XPO7: variants seen among roughly 807,000 people sequenced by gnomAD.
XPO7 encodes the protein exportin 7, also known as exportin-7.
In XPO7, 21 loss-of-function variants were observed where a neutral mutation model predicts 144.3. The ratio of observed to expected loss-of-function variants is 0.15; its 90% CI spans 0.10 to 0.21. The LOEUF (loss-of-function observed/expected upper bound fraction) is 0.21, where lower values mean the gene tolerates loss of function less well. Among genes scored for constraint, XPO7 ranks in the 10% least tolerant of loss-of-function variants. The pLI is 1.00. For synonymous variants in XPO7, 580 were observed against 499.6 expected, an observed-to-expected ratio of 1.16 and a Z score of -2.15; for missense variants, 808 against 1,325.8, an observed-to-expected ratio of 0.61 and a Z score of 6.06.
intron 1 of XPO7, among the ~76,000 whole-genome samples, chr8:21,944,366 G>A (rs1426327136): frequency 5.3e-5 from 8 of 152,104 alleles, no homozygotes; most frequent in Admixed American, 5.2e-4. Flanking sequence ...TCAGGAGTTC[G>A]AGACCAGCCT....
intron 5 of XPO7, among the ~76,000 whole-genome samples, chr8:21,974,324 T>C (rs1291424612): frequency 2.0e-5 from 3 of 152,146 alleles, no homozygotes; most frequent in Non-Finnish European, 4.4e-5. Context: ...TCACCACGCC[T>C]GGCCCATTAA....
chr8:21,958,284 C>T (rs1254694036), intron 1 of XPO7, among the ~76,000 whole-genome samples: 1 of 151,928 alleles, frequency 6.6e-6, no homozygotes, highest in African/African-American at 2.4e-5. Context: ...TGACCCATTG[C>T]TCCTAGGGGA....
intron 2 of XPO7, 123 bp downstream of exon 2, chr8:21,967,126 T>C (rs1811911378): frequency 1.5e-6 from 2 of 1,337,232 alleles, no homozygotes; most frequent in African/African-American, 1.5e-5. Flanking sequence ...CCCTGACTTA[T>C]TTTCACTTTT....
chr8:21,931,076 TC>T (rs1158460499), intron 1 of XPO7, among the ~76,000 whole-genome samples: 1 of 151,928 alleles, frequency 6.6e-6, no homozygotes, highest in African/African-American at 2.4e-5. Flanking sequence ...ACTCCTGACC[TC>T]AAGTGATCTG....
chr8:21,950,392 A>G (rs373098180), intron 1 of XPO7, among the ~76,000 whole-genome samples: 6 of 152,208 alleles, frequency 3.9e-5, no homozygotes, highest in Middle Eastern at 3.2e-3. Flanking sequence ...TTCCTAAACT[A>G]TAGGAGCTAA....
At chr8:21,933,600 A>C (rs1810725914) in intron 1 of XPO7, among the ~76,000 whole-genome samples, 1 of 152,106 alleles carries the variant, frequency 6.6e-6, no homozygotes, top group Admixed American at 6.5e-5. Context: ...TTCTATTAAC[A>C]CTGTAACATT....
At chr8:21,975,249 A>G (rs1397480775) in intron 6 of XPO7, among the ~76,000 whole-genome samples, 2 of 152,260 alleles carry the variant, frequency 1.3e-5, no homozygotes, top group Non-Finnish European at 2.9e-5. Flanking sequence ...AGCAGCACAT[A>G]AACAAGTAAC....
chr8:21,985,545 A>G (rs1300255688), intron 12 of XPO7, 41 bp from the exon 13 acceptor site: 1 of 1,568,424 alleles, frequency 6.4e-7, no homozygotes, highest in East Asian at 2.2e-5. Flanking sequence ...TCTTCAAGAA[A>G]CTATCACTGG....
rs756534634 is a variant in XPO7, at chr8:21,919,732, G to T, written c.-39G>T. 5.4e-4 allele frequency: 211 copies of T among 390,838 alleles called. 3 individuals carry two copies. Among genetic ancestry groups the T allele is most frequent in the Non-Finnish European group, 1.7e-4 (45 of 264,952 alleles). 24.2% of individuals were successfully genotyped at this position (390,838 alleles called of 1,614,324 possible). On this transcript the variant is annotated 5_prime_UTR_variant, in exon 1 of 28. Coordinates refer to ENST00000252512, the MANE Select transcript of XPO7 (RefSeq NM_015024.5). ...CGGCTCCGGCCGAGGTGCGCGCTGGGGGGGAGGGGGGGCCGGAGAGGAGCA... is the reference window on the plus strand; with the variant it reads ...CGGCTCCGGCCGAGGTGCGCGCTGGTGGGGAGGGGGGGCCGGAGAGGAGCA...
At chr8:21,929,158 C>T (rs936228342) in intron 1 of XPO7, among the ~76,000 whole-genome samples, 2 of 152,198 alleles carry the variant, frequency 1.3e-5, no homozygotes, top group Non-Finnish European at 2.9e-5. Flanking sequence ...TACCATATTG[C>T]ATAGTGCAGA....
At position 21,998,642 on chromosome 8, in the gene XPO7, C is replaced by G; in HGVS notation, c.2346-113C>G. 5.1e-6 allele frequency: 4 copies of G among 783,994 alleles called. No homozygotes were observed. The South Asian group carries it at 6.9e-5, about 14-fold the overall frequency. The allele number at this position is 783,994 out of a possible 1,614,324, so 48.6% of individuals were successfully genotyped here. ...ATTCTCATATTAGGATAGGCAATTGCTTACCTTAATGTAAATGCAGGATCA... is the reference window on the plus strand; with the variant it reads ...ATTCTCATATTAGGATAGGCAATTGGTTACCTTAATGTAAATGCAGGATCA... On this transcript the variant is annotated intron_variant, in intron 21 of 27. Coordinates refer to ENST00000252512, the MANE Select transcript of XPO7 (RefSeq NM_015024.5).
chr8:21,947,737 G>A (rs780411760), intron 1 of XPO7, among the ~76,000 whole-genome samples: 5 of 152,130 alleles, frequency 3.3e-5, no homozygotes, highest in South Asian at 4.1e-4. Flanking sequence ...AATTAAGAAC[G>A]TATATTCATC....
chr8:21,922,576 G>A (rs749905480), intron 1 of XPO7, among the ~76,000 whole-genome samples: 8 of 152,010 alleles, frequency 5.3e-5, no homozygotes, highest in Non-Finnish European at 8.8e-5. Context: ...ATCTAAAGCT[G>A]GTAAGTTATC....
intron 1 of XPO7, among the ~76,000 whole-genome samples, chr8:21,963,469 G>A (rs1365545075): frequency 6.6e-6 from 1 of 152,200 alleles, no homozygotes; most frequent in African/African-American, 2.4e-5. Context: ...GCCAAGCCAG[G>A]CAAATCATGA....
intron 25 of XPO7, chr8:22,002,974 CTGGAAAGATCCAT>C (rs1340308743): frequency 3.1e-6 from 1 of 319,720 alleles, no homozygotes; most frequent in African/African-American, 2.2e-5. Context: ...TCAGGGTGAC[CTGGAAAGATCCAT>C]TGGTAAGTGA....
intron 1 of XPO7, among the ~76,000 whole-genome samples, chr8:21,921,947 CCTT>C (rs1443913301): frequency 6.6e-6 from 1 of 152,098 alleles, no homozygotes; most frequent in Non-Finnish European, 1.5e-5. Context: ...TGGCAGAAAA[CCTT>C]CTTATGAAAA....
chr8:21,966,159 T>C (rs1379041002), intron 1 of XPO7: 1 of 657,470 alleles, frequency 1.5e-6, no homozygotes, highest in Middle Eastern at 2.6e-4. Context: ...AGAGTTTGCT[T>C]GTGGGTGTTT....
rs1470785545 is a variant in XPO7 at position 21,984,903 on chromosome 8, T to G, written c.1471+64T>G. 13 of 1,538,654 alleles carry G rather than the reference T, an allele frequency of 8.4e-6. No homozygotes were observed. The East Asian group carries it at 2.7e-4, about 32-fold the overall frequency. On this transcript the variant is annotated intron_variant, in intron 12 of 27. Transcript: ENST00000252512. Reference sequence around the variant, plus strand: ...GAGATGTTGTCTAGTACCCCTTCGCTCATTGCCACCTCTTTCCTACCTCCC... The same window carrying G: ...GAGATGTTGTCTAGTACCCCTTCGCGCATTGCCACCTCTTTCCTACCTCCC...
chr8:21,937,811 T>C (rs1810868917), intron 1 of XPO7, among the ~76,000 whole-genome samples: 1 of 152,184 alleles, frequency 6.6e-6, no homozygotes, highest in Non-Finnish European at 1.5e-5. Context: ...ATGTTCAAAT[T>C]GATCATCAGT....
Sources: gnomAD v4.1 joint callset for allele counts (sites outside exome capture counted in the v4.1 genomes callset) on GRCh38, gnomAD v4.1.1 for gene constraint, MANE v1.5 for transcripts, NCBI Gene and HGNC (gene_info 2026-07-23, HGNC 2026-07-21) for gene names.